Variants in TIAM2 observed in about 807,000 individuals in gnomAD.
The protein encoded by TIAM2 is TIAM Rac1 associated GEF 2.
TIAM2 carries 80 observed loss-of-function variants against 152.9 expected under a neutral mutation model. The observed-to-expected ratio is 0.52, with a 90% CI of 0.44 to 0.63. The LOEUF is 0.63. TIAM2 is among the 30% of genes least tolerant of loss of function. The pLI, the probability that TIAM2 is intolerant of heterozygous loss-of-function variation, is 0.00. For missense variants in TIAM2, 1,965 were observed against 2,120.1 expected (o/e 0.93, Z 1.44); for synonymous variants, 804 against 838.0 (o/e 0.96, Z 0.70).
At chr6:155,015,801 G>A (rs756807089) in intron 1 of TIAM2, among the ~76,000 whole-genome samples, 12 of 151,928 alleles carry the variant, frequency 7.9e-5, no homozygotes, top group Admixed American at 2.0e-4. Flanking sequence ...GCTGGGCATG[G>A]TGGTGGGCAC....
At chr6:155,017,131 C>T (rs1243923230) in intron 1 of TIAM2, among the ~76,000 whole-genome samples, 3 of 152,140 alleles carry the variant, frequency 2.0e-5, no homozygotes, top group South Asian at 4.1e-4. Flanking sequence ...TTGCCCACCG[C>T]ATTCGGTGAT....
At position 155,250,951 on chromosome 6, in the gene TIAM2, T is replaced by C. The variant is rs148853767; in HGVS notation, c.3990T>C (p.Ser1330=). Residue 1330 remains serine (S), a synonymous_variant, in exon 22 of 27, where the codon TCT becomes TCC. Coordinates refer to ENST00000682666, the MANE Select transcript of TIAM2 (RefSeq NM_012454.4). ...ELSMGELLMH[S]TVSWLNPFLS... is the part of the protein sequence containing the mutation. The stretch of plus-strand genomic sequence containing the variant: ...CGATGGGAGAGCTTCTGATGCACTC[T>C]ACGGTTTCCTGGTTGAATCCATTTC... The C allele has an allele frequency of 3.1e-6, 5 of 1,614,120 alleles. No homozygotes were observed. The African/African-American group carries it at 5.3e-5, about 17-fold the overall frequency.
At chr6:155,122,727 G>A (rs560446461) in intron 2 of TIAM2, among the ~76,000 whole-genome samples, 44 of 152,118 alleles carry the variant, frequency 2.9e-4, no homozygotes, top group Middle Eastern at 6.8e-3. Context: ...CCTGGGCCTC[G>A]CCACACGTTA....
At chr6:155,002,685 A>ATTTATTTATTTATTTATT (rs1778332216) in intron 1 of TIAM2, among the ~76,000 whole-genome samples, 1 of 151,654 alleles carries the variant, frequency 6.6e-6, no homozygotes, top group Admixed American at 6.6e-5. Flanking sequence ...TTATTTATTT[A>ATTTATTTATTTATTTATT]TTTATTTATT....
At chr6:155,026,508 A>G (rs1481762336) in intron 1 of TIAM2, among the ~76,000 whole-genome samples, 2 of 152,214 alleles carry the variant, frequency 1.3e-5, no homozygotes, top group African/African-American at 2.4e-5. Context: ...TTCGAAGGGC[A>G]TGGACAACTA....
intron 1 of TIAM2, among the ~76,000 whole-genome samples, chr6:155,017,450 A>G (rs1778611146): frequency 1.3e-5 from 2 of 151,184 alleles, no homozygotes; most frequent in South Asian, 2.1e-4. Context: ...AGTGGTTGAT[A>G]TAAGTCCTTG....
At chr6:155,054,668 G>GC (rs376459845) in intron 1 of TIAM2, among the ~76,000 whole-genome samples, 1 of 151,718 alleles carries the variant, frequency 6.6e-6, no homozygotes, top group Admixed American at 6.6e-5. Context: ...GCAACCTCCC[G>GC]CCCCCTGGGT....
intron 2 of TIAM2, among the ~76,000 whole-genome samples, chr6:155,104,050 CCACACCCCCA>C (rs1463091870): frequency 3.4e-5 from 3 of 87,598 alleles, no homozygotes; most frequent in East Asian, 4.5e-4. Context: ...ACCCCCCCCC[CCACACCCCCA>C]CACACCCCCA....
At chr6:155,221,997 A>G (rs1054826351) in intron 15 of TIAM2, among the ~76,000 whole-genome samples, 1 of 151,994 alleles carries the variant, frequency 6.6e-6, no homozygotes, top group African/African-American at 2.4e-5. Flanking sequence ...TTTGTTGCCC[A>G]GGCTGGAGTG....
At chr6:155,081,516 G>A (rs1325656473) in intron 1 of TIAM2, among the ~76,000 whole-genome samples, 2 of 152,072 alleles carry the variant, frequency 1.3e-5, no homozygotes, top group Non-Finnish European at 2.9e-5. Context: ...ACTTGGCTCA[G>A]TCAACTGAGC....
intron 4 of TIAM2, among the ~76,000 whole-genome samples, chr6:155,133,368 ACAG>A (rs1297708832): frequency 6.6e-6 from 1 of 152,156 alleles, no homozygotes; most frequent in Non-Finnish European, 1.5e-5. Flanking sequence ...CAACAACAAA[ACAG>A]CAACAACAAC....
rs766110822 is a variant in TIAM2 at position 155,254,480 on chromosome 6, A to T, written c.4375A>T (p.Arg1459Trp). 8 of 1,614,078 alleles carry T rather than the reference A, an allele frequency of 5.0e-6. No homozygotes were observed. The South Asian group carries it at 7.7e-5, about 16-fold the overall frequency. ...VIRSILRENF[R>W]RHIKCELPLE... ...TCGTTCTATTCTGAGGGAGAACTTCAGGCGTCACATAAAGTGTGAATTACC... is the reference window on the plus strand; with the variant it reads ...TCGTTCTATTCTGAGGGAGAACTTCTGGCGTCACATAAAGTGTGAATTACC... Residue 1459 changes from arginine (R) to tryptophan (W), a missense_variant, in exon 26 of 27, where the codon AGG becomes TGG. Arg to Trp is a moderately radical substitution (Grantham distance 101). Around this residue, in one of 3 missense-constraint regions of TIAM2, gnomAD observed 935 missense variants for 980.0 expected, o/e 0.95. Transcript: ENST00000682666.
At chr6:155,007,586 TA>T (rs1307950493) in intron 1 of TIAM2, among the ~76,000 whole-genome samples, 1 of 152,148 alleles carries the variant, frequency 6.6e-6, no homozygotes, top group Non-Finnish European at 1.5e-5. Context: ...AACGATTAGG[TA>T]AAATGTCAGG....
intron 15 of TIAM2, among the ~76,000 whole-genome samples, chr6:155,233,108 A>G (rs1583270449): frequency 6.6e-6 from 1 of 151,996 alleles, no homozygotes; most frequent in Non-Finnish European, 1.5e-5. Context: ...GATGCAGTGG[A>G]CTCCTGCCAC....
chr6:154,999,629 T>G (rs1299750240), intron 1 of TIAM2, among the ~76,000 whole-genome samples: 3 of 152,240 alleles, frequency 2.0e-5, no homozygotes, highest in Admixed American at 1.3e-4. Context: ...CTAGCTTTGC[T>G]TCTGCAGACC....
At chr6:155,244,883 A>G in intron 18 of TIAM2, 100 bp downstream of exon 18, 1 of 1,355,818 alleles carries the variant, frequency 7.4e-7, no homozygotes, top group Non-Finnish European at 9.9e-7. Flanking sequence ...TTGTCCTGTG[A>G]CTATTGACTA....
intron 16 of TIAM2, among the ~76,000 whole-genome samples, chr6:155,242,350 GTTT>G (rs905998368): frequency 6.6e-6 from 1 of 152,166 alleles, no homozygotes; most frequent in Admixed American, 6.5e-5. Context: ...GAATCTTGTT[GTTT>G]TTTAACCTGG....
At chr6:155,071,977 C>T (rs1003812061) in intron 1 of TIAM2, among the ~76,000 whole-genome samples, 8 of 151,768 alleles carry the variant, frequency 5.3e-5, no homozygotes, top group African/African-American at 1.7e-4. Context: ...TAGAATGAAC[C>T]GCTGAAGTGG....
chr6:155,130,368 G>A lies in TIAM2; in HGVS notation c.1145G>A (p.Arg382Gln), dbSNP rs200698167. 9.0e-5 allele frequency: 146 copies of A among 1,613,890 alleles called. No homozygotes were observed. The highest frequency in any genetic ancestry group is 2.2e-5 in the East Asian group (1 of 44,888). Reference sequence around the variant, plus strand: ...GACTCCCTCAAAGCCAGGATGCGACGGATCAGTGACTGGACGGGAAGCCTC... The same window carrying A: ...GACTCCCTCAAAGCCAGGATGCGACAGATCAGTGACTGGACGGGAAGCCTC... The part of the protein sequence containing the change: ...KKDSLKARMR[R>Q]ISDWTGSLSR... Residue 382 changes from arginine to glutamine, a missense_variant, in exon 4 of 27, where the codon CGG becomes CAG. Around this residue, in one of 3 missense-constraint regions of TIAM2, gnomAD observed 1,025 missense variants for 1,119.4 expected, o/e 0.92. Coordinates refer to ENST00000682666, the MANE Select transcript of TIAM2 (RefSeq NM_012454.4).
Sources: allele counts gnomAD v4.1 joint callset (sites outside exome capture counted in the v4.1 genomes callset), GRCh38; gene constraint gnomAD v4.1.1; regional missense constraint gnomAD v4.1.1; transcripts MANE v1.5; gene names NCBI Gene and HGNC (gene_info 2026-07-23, HGNC 2026-07-21).